Variants in FGF12 observed in about 807,000 individuals in gnomAD.
The protein encoded by FGF12 is fibroblast growth factor 12B.
A neutral mutation model predicts 23.6 loss-of-function variants in FGF12; 14 were observed. The ratio of observed to expected loss-of-function variants is 0.59; its 90% confidence interval spans 0.39 to 0.93. The LOEUF is 0.93. Among genes scored for constraint, FGF12 ranks in the 40% least tolerant of loss-of-function variants. FGF12 has a pLI of 0.00. For missense variants in FGF12, 175 were observed against 217.8 expected, an observed-to-expected ratio of 0.80 and a Z score of 1.24; for synonymous variants, 62 against 77.3, an observed-to-expected ratio of 0.80 and a Z score of 1.04.
At chr3:192,269,009 G>C (rs1258400811) in intron 4 of FGF12, among the ~76,000 whole-genome samples, 3 of 152,112 alleles carry the variant, frequency 2.0e-5, no homozygotes, top group East Asian at 1.9e-4. Context: ...CCGCCTCCTG[G>C]GTTCAAGTGA....
intron 2 of FGF12, among the ~76,000 whole-genome samples, chr3:192,425,229 T>C (rs561609635): frequency 6.6e-6 from 1 of 152,290 alleles, no homozygotes; most frequent in African/African-American, 2.4e-5. Context: ...GTCTAGTGGA[T>C]GGACCTGATA....
intron 4 of FGF12, among the ~76,000 whole-genome samples, chr3:192,278,874 C>T (rs1713964861): frequency 6.6e-6 from 1 of 152,122 alleles, no homozygotes; most frequent in Non-Finnish European, 1.5e-5. Flanking sequence ...CCTGCTCCTC[C>T]CTCTCCATAG....
intron 3 of FGF12, among the ~76,000 whole-genome samples, chr3:192,348,032 A>G (rs1456300151): frequency 6.6e-6 from 1 of 152,198 alleles, no homozygotes; most frequent in Non-Finnish European, 1.5e-5. Context: ...TGGACTATTT[A>G]TAACACTATC....
At chr3:192,450,490 T>TCA (rs1553815072) in intron 2 of FGF12, among the ~76,000 whole-genome samples, 1 of 152,188 alleles carries the variant, frequency 6.6e-6, no homozygotes, top group Non-Finnish European at 1.5e-5. Context: ...CAACACAGGA[T>TCA]ACTGAGTAGA....
At chr3:192,588,349 CAAAA>C (rs1201739223) in intron 2 of FGF12, among the ~76,000 whole-genome samples, 1 of 66,984 alleles carries the variant, frequency 1.5e-5, no homozygotes, top group Non-Finnish European at 2.8e-5. Context: ...CAATCCGTCT[CAAAA>C]AAAAAAAAAA....
At chr3:192,535,936 C>T (rs1577041608) in intron 2 of FGF12, among the ~76,000 whole-genome samples, 1 of 152,244 alleles carries the variant, frequency 6.6e-6, no homozygotes, top group Non-Finnish European at 1.5e-5. Context: ...AAAGAAGGGA[C>T]AAAAGAAAGA....
rs115924583 is a variant in FGF12 at position 192,510,379 on chromosome 3, T to G, written c.14-149841A>C. On this transcript the variant is annotated intron_variant, in intron 2 of 5. Transcript: ENST00000445105. ...GGCAAGCAAGGATATGAAAAGATAT[T>G]CAATATCATATGTCATCAGGGAATT... Among the ~76,000 whole-genome samples, 668 of 152,280 alleles carry G rather than the reference T, an allele frequency of 4.4e-3. 5 individuals are homozygous for G. The highest frequency in any genetic ancestry group is 0.016 in the African/African-American group (649 of 41,556).
intron 2 of FGF12, among the ~76,000 whole-genome samples, chr3:192,505,587 C>A (rs1724267728): frequency 6.6e-6 from 1 of 152,082 alleles, no homozygotes; most frequent in African/African-American, 2.4e-5. Flanking sequence ...TTTTCAAAGT[C>A]TTGTGCTATC....
chr3:192,367,780 C>G (rs1192770235), intron 2 of FGF12, among the ~76,000 whole-genome samples: 1 of 152,162 alleles, frequency 6.6e-6, no homozygotes, highest in Non-Finnish European at 1.5e-5. Context: ...ACGTGTCACT[C>G]TAGCCTGGCA....
intron 2 of FGF12, among the ~76,000 whole-genome samples, chr3:192,627,954 G>A (rs1217743764): frequency 1.3e-5 from 2 of 151,734 alleles, no homozygotes; most frequent in Non-Finnish European, 2.9e-5. Flanking sequence ...TTTGTCACAG[G>A]TATCTTTTAT....
chr3:192,317,418 T>C (rs953836194), intron 4 of FGF12, among the ~76,000 whole-genome samples: 4 of 151,856 alleles, frequency 2.6e-5, no homozygotes, highest in African/African-American at 9.7e-5. Context: ...CCCTTGGACA[T>C]TGAATGAACA....
chr3:192,609,580 T>A (rs559469068), intron 2 of FGF12, among the ~76,000 whole-genome samples: 1 of 152,180 alleles, frequency 6.6e-6, no homozygotes, highest in African/African-American at 2.4e-5. Flanking sequence ...GTAAGCTTGT[T>A]CTTCTTTCAT....
At chr3:192,711,699 G>C (rs1401775479) in intron 2 of FGF12, among the ~76,000 whole-genome samples, 1 of 152,086 alleles carries the variant, frequency 6.6e-6, no homozygotes, top group African/African-American at 2.4e-5. Context: ...GGGTTAAATG[G>C]ATTAAGGGCT....
intron 2 of FGF12, among the ~76,000 whole-genome samples, chr3:192,496,803 T>C (rs1342815842): frequency 6.6e-6 from 1 of 152,238 alleles, no homozygotes; most frequent in Non-Finnish European, 1.5e-5. Flanking sequence ...TTCTGCCACT[T>C]TGTTCACTTA....
rs1717941443 is a variant in FGF12 at position 192,345,995 on chromosome 3, T to C, written c.125-10531A>G. Among the ~76,000 whole-genome samples the C allele has an allele frequency of 2.0e-5, 3 of 151,998 alleles. No homozygotes were observed. In the South Asian group the frequency reaches 6.2e-4, roughly 32 times the overall value. On this transcript the variant is annotated intron_variant, in intron 3 of 5. Coordinates refer to ENST00000445105, the MANE Select transcript of FGF12 (RefSeq NM_004113.6). Reference sequence around the variant, plus strand: ...TAATTCCAAAAATATTAAGTGGATCTATAGAAATAAACATAATGTGGAAAG... The same window carrying C: ...TAATTCCAAAAATATTAAGTGGATCCATAGAAATAAACATAATGTGGAAAG...
At chr3:192,552,550 T>C (rs1279119566) in intron 2 of FGF12, among the ~76,000 whole-genome samples, 1 of 151,404 alleles carries the variant, frequency 6.6e-6, no homozygotes, top group Non-Finnish European at 1.5e-5. Flanking sequence ...AAAACCCTCA[T>C]ATGAAGGGAA....
intron 4 of FGF12, among the ~76,000 whole-genome samples, chr3:192,286,541 A>G (rs1714457467): frequency 1.3e-5 from 2 of 152,064 alleles, no homozygotes; most frequent in South Asian, 4.1e-4. Flanking sequence ...ATATGCTTAC[A>G]AATGGTAGAT....
At chr3:192,476,022 A>T (rs940116520) in intron 2 of FGF12, among the ~76,000 whole-genome samples, 2 of 152,150 alleles carry the variant, frequency 1.3e-5, no homozygotes, top group African/African-American at 4.8e-5. Flanking sequence ...AGAATGTAAC[A>T]ATCTATGAAC....
intron 2 of FGF12, among the ~76,000 whole-genome samples, chr3:192,512,774 A>T (rs1577028830): frequency 6.9e-6 from 1 of 145,314 alleles, no homozygotes; most frequent in African/African-American, 2.6e-5. Context: ...GTAAAAATGC[A>T]TATATAAATA....
Sources: allele counts gnomAD v4.1 joint callset (sites outside exome capture counted in the v4.1 genomes callset), GRCh38; gene constraint gnomAD v4.1.1; transcripts MANE v1.5; gene names NCBI Gene and HGNC (gene_info 2026-07-23, HGNC 2026-07-21).